The following CPA6 variants were observed in gnomAD, a reference collection of about 807,000 sequenced individuals.
CPA6 encodes the protein carboxypeptidase B.
In CPA6, 58 loss-of-function variants were observed where a neutral mutation model predicts 63.3. That is an observed-to-expected ratio of 0.92 (90% confidence interval 0.74 to 1.14). CPA6 has a LOEUF of 1.14. Among genes scored for constraint, CPA6 ranks in the 50% most tolerant of loss-of-function variants. The pLI, the probability that CPA6 is intolerant of heterozygous loss-of-function variation, is 0.00. For missense variants in CPA6, 565 were observed against 526.6 expected, an observed-to-expected ratio of 1.07 and a Z score of -0.71; for synonymous variants, 185 against 179.0, an observed-to-expected ratio of 1.03 and a Z score of -0.27.
At chr8:67,661,902 G>A (rs1341878420) in intron 1 of CPA6, among the ~76,000 whole-genome samples, 1 of 152,152 alleles carries the variant, frequency 6.6e-6, no homozygotes, top group Non-Finnish European at 1.5e-5. Context: ...GTAGCATAAT[G>A]TCTTTAAGGT....
chr8:67,738,903 A>G (rs79869445), intron 1 of CPA6, among the ~76,000 whole-genome samples: 2,489 of 152,326 alleles, frequency 0.016, 71 homozygotes, highest in African/African-American at 0.057. Context: ...CACCAAAAAC[A>G]TTTCTATTTT....
At chr8:67,659,279 T>C (rs1196463384) in intron 1 of CPA6, among the ~76,000 whole-genome samples, 1 of 152,224 alleles carries the variant, frequency 6.6e-6, no homozygotes, top group East Asian at 1.9e-4. Flanking sequence ...CAGTCATCAG[T>C]GGATGCTGAG....
chr8:67,534,867 T>G (rs1482591922), intron 2 of CPA6, among the ~76,000 whole-genome samples: 1 of 151,554 alleles, frequency 6.6e-6, no homozygotes. Context: ...TCCCTCCCCT[T>G]GCCCCCCACC....
At position 67,728,244 on chromosome 8, in the gene CPA6, TACCTC is replaced by T. The variant is rs1817640889; in HGVS notation, c.116+17765_116+17769del. On this transcript the variant is annotated intron_variant, in intron 1 of 10. Coordinates refer to ENST00000297770, the MANE Select transcript of CPA6 (RefSeq NM_020361.5). ...CTTGACATTTCCTACACTCCCCACT[TACCTC>T]TCCTCTATGAAGAAGAGTATATGAA... Among the ~76,000 whole-genome samples the T allele has an allele frequency of 2.6e-5, 4 of 152,176 alleles. No individual in the cohort carries two copies. The South Asian group carries it at 8.3e-4, about 32-fold the overall frequency.
chr8:67,647,333 A>ATCTT (rs35966508), intron 1 of CPA6, among the ~76,000 whole-genome samples: 41,308 of 149,720 alleles, frequency 0.28, 5,682 homozygotes, highest in African/African-American at 0.34. Context: ...TGATAGGATA[A>ATCTT]TCTTTTTTTT....
intron 1 of CPA6, among the ~76,000 whole-genome samples, chr8:67,659,937 A>G (rs1319947730): frequency 6.6e-6 from 1 of 152,226 alleles, no homozygotes; most frequent in African/African-American, 2.4e-5. Context: ...TTTTCAAAAA[A>G]TGAATTGGAT....
chr8:67,444,905 TAGG>T lies in CPA6; in HGVS notation c.839-10668_839-10666del, dbSNP rs1426059446. Among the ~76,000 whole-genome samples the T allele has an allele frequency of 2.0e-5, 3 of 152,236 alleles. No homozygotes were observed. In the East Asian group the frequency reaches 5.8e-4, roughly 29 times the overall value. On this transcript the variant is annotated intron_variant, in intron 8 of 10. Transcript: ENST00000297770. Reference sequence around the variant, plus strand: ...CACTAGGAAGGAATTGTCAGGAAAGTAGGAGGACCACAAGATACTGATGTCAGA... The same window carrying T: ...CACTAGGAAGGAATTGTCAGGAAAGTAGGACCACAAGATACTGATGTCAGA...
At chr8:67,625,093 A>G (rs1815166261) in intron 1 of CPA6, among the ~76,000 whole-genome samples, 1 of 152,000 alleles carries the variant, frequency 6.6e-6, no homozygotes, top group Non-Finnish European at 1.5e-5. Context: ...ACTAGGGAGG[A>G]GCAAGAAAGC....
At chr8:67,502,969 A>G (rs1417402407) in intron 6 of CPA6, among the ~76,000 whole-genome samples, 1 of 152,162 alleles carries the variant, frequency 6.6e-6, no homozygotes, top group Non-Finnish European at 1.5e-5. Context: ...GGTACAGTCT[A>G]TTAGATCCTG....
intron 1 of CPA6, among the ~76,000 whole-genome samples, chr8:67,721,049 AAAGGTTCAAC>A (rs1429606751): frequency 1.3e-5 from 2 of 152,240 alleles, no homozygotes; most frequent in Non-Finnish European, 2.9e-5. Flanking sequence ...ATTTTAATAC[AAAGGTTCAAC>A]ATTACAAATG....
intron 6 of CPA6, among the ~76,000 whole-genome samples, chr8:67,486,563 T>G (rs1811482336): frequency 6.6e-6 from 1 of 152,216 alleles, no homozygotes; most frequent in South Asian, 2.1e-4. Flanking sequence ...CATGACTGTA[T>G]TAATATCCAC....
At chr8:67,564,415 C>CT (rs200491437) in intron 2 of CPA6, among the ~76,000 whole-genome samples, 17,729 of 141,064 alleles carry the variant, frequency 0.13, 1,391 homozygotes, top group East Asian at 0.29. Flanking sequence ...TAAAAGTGTT[C>CT]TTTTTTTTTT....
At chr8:67,649,819 A>G (rs747220895) in intron 1 of CPA6, among the ~76,000 whole-genome samples, 1 of 152,176 alleles carries the variant, frequency 6.6e-6, no homozygotes, top group South Asian at 2.1e-4. Context: ...GACCAAAAAA[A>G]ATGCTTCTTG....
chr8:67,702,424 AC>A (rs1429371774), intron 1 of CPA6, among the ~76,000 whole-genome samples: 2 of 151,988 alleles, frequency 1.3e-5, no homozygotes, highest in Non-Finnish European at 2.9e-5. Context: ...GAGGGCTCCC[AC>A]CCCCACCAGG....
intron 1 of CPA6, among the ~76,000 whole-genome samples, chr8:67,647,081 C>T (rs1815729087): frequency 6.6e-6 from 1 of 152,224 alleles, no homozygotes; most frequent in Non-Finnish European, 1.5e-5. Flanking sequence ...ACAATTGACA[C>T]AGCCTAGGAG....
chr8:67,653,988 T>A (rs1815916892), intron 1 of CPA6, among the ~76,000 whole-genome samples: 1 of 151,878 alleles, frequency 6.6e-6, no homozygotes, highest in Non-Finnish European at 1.5e-5. Flanking sequence ...TTTCTGCATC[T>A]ATTGAGATAA....
chr8:67,536,179 G>T (rs1251785577), intron 2 of CPA6, among the ~76,000 whole-genome samples: 2 of 152,106 alleles, frequency 1.3e-5, no homozygotes, highest in South Asian at 4.2e-4. Context: ...GGTTGTGTGG[G>T]CTCTTTTTTG....
At chr8:67,516,924 G>A (rs1812157102) in intron 3 of CPA6, among the ~76,000 whole-genome samples, 1 of 152,004 alleles carries the variant, frequency 6.6e-6, no homozygotes, top group African/African-American at 2.4e-5. Context: ...AGCCCCCCGA[G>A]TAGCTAGGAT....
intron 8 of CPA6, among the ~76,000 whole-genome samples, chr8:67,446,172 A>AG: frequency 6.6e-6 from 1 of 151,456 alleles, no homozygotes. Context: ...AGGCTGAGGC[A>AG]GGAGAATGGC....
Sources: gnomAD v4.1 joint callset for allele counts (sites outside exome capture counted in the v4.1 genomes callset) on GRCh38, gnomAD v4.1.1 for gene constraint, MANE v1.5 for transcripts, NCBI Gene and HGNC (gene_info 2026-07-23, HGNC 2026-07-21) for gene names.